Variants in RABEP1 observed in about 807,000 individuals in gnomAD.
The protein encoded by RABEP1 is rab GTPase-binding effector protein 1.
In RABEP1, 51 loss-of-function variants were observed where a neutral mutation model predicts 123.4. The observed-to-expected ratio is 0.41, with a 90% CI of 0.33 to 0.52. RABEP1 has a LOEUF of 0.52. RABEP1 is among the 20% of genes least tolerant of loss of function. The pLI is 0.16. For missense variants in RABEP1, 888 were observed against 996.3 expected (o/e 0.89, Z 1.46); for synonymous variants, 347 against 355.2 (o/e 0.98, Z 0.26).
intron 7 of RABEP1, among the ~76,000 whole-genome samples, chr17:5,353,156 C>A (rs1908713116): frequency 6.6e-6 from 1 of 152,190 alleles, no homozygotes; most frequent in South Asian, 2.1e-4. Context: ...ATTTTTCATC[C>A]ATATAACATT....
chr17:5,334,677 GATTAT>G (rs986083132), intron 3 of RABEP1, among the ~76,000 whole-genome samples: 1 of 152,148 alleles, frequency 6.6e-6, no homozygotes, highest in Non-Finnish European at 1.5e-5. Context: ...CACGTTTTAA[GATTAT>G]ATTAAAGAGA....
intron 5 of RABEP1, 71 bp downstream of exon 5, chr17:5,338,209 T>G (rs779803719): frequency 6.8e-7 from 1 of 1,478,206 alleles, no homozygotes; most frequent in African/African-American, 1.4e-5. Flanking sequence ...AAAATTAGAA[T>G]CAGTAATAGG....
At chr17:5,364,068 A>G (rs1035545300) in intron 10 of RABEP1, among the ~76,000 whole-genome samples, 1 of 152,220 alleles carries the variant, frequency 6.6e-6, no homozygotes, top group Non-Finnish European at 1.5e-5. Flanking sequence ...TGTCATTGCT[A>G]TTGAGTTCCT....
At chr17:5,285,307 T>C (rs2074967485) in intron 1 of RABEP1, among the ~76,000 whole-genome samples, 1 of 151,850 alleles carries the variant, frequency 6.6e-6, no homozygotes, top group African/African-American at 2.4e-5. Flanking sequence ...CTTTTTTTTT[T>C]TTTTCTTTTG....
At chr17:5,356,377 A>G (rs1239571772) in intron 8 of RABEP1, 1 of 154,012 alleles carries the variant, frequency 6.5e-6, no homozygotes, top group East Asian at 1.8e-4. Context: ...TTAATCTGAG[A>G]TGCTTTGGAG....
chr17:5,381,036 G>A (rs1002725857), intron 16 of RABEP1, among the ~76,000 whole-genome samples: 6 of 152,216 alleles, frequency 3.9e-5, no homozygotes, highest in Admixed American at 3.9e-4. Context: ...GCTTGACTGT[G>A]GAGGTTGTCA....
intron 5 of RABEP1, among the ~76,000 whole-genome samples, chr17:5,340,330 C>T (rs1356373311): frequency 1.3e-5 from 2 of 152,074 alleles, no homozygotes; most frequent in African/African-American, 4.8e-5. Flanking sequence ...ATAATAAGCC[C>T]ACCTTAATAG....
At chr17:5,362,874 T>G in intron 9 of RABEP1, 38 bp from the exon 10 acceptor site, 3 of 1,332,302 alleles carry the variant, frequency 2.3e-6, no homozygotes, top group Non-Finnish European at 3.2e-6. Flanking sequence ...GATGTAGAAT[T>G]GTTTTGCCTG....
At position 5,383,296 on chromosome 17, in the gene RABEP1, T is replaced by A; in HGVS notation, c.*73T>A. 1 of 1,145,514 alleles carries A rather than the reference T, an allele frequency of 8.7e-7. No homozygotes were observed. Among genetic ancestry groups the A allele is most frequent in the African/African-American group, 1.5e-5 (1 of 65,258 alleles). 71.0% of individuals were successfully genotyped at this position (1,145,514 alleles called of 1,614,324 possible). A position where few individuals can be genotyped will look rare whatever the true frequency, so the allele number is the denominator to read the frequency against. ...CTTTAGAGCAACAGTAATTATTATTTAACTCTTAACTGAAGAAAGAGAAGT... is the reference window on the plus strand; with the variant it reads ...CTTTAGAGCAACAGTAATTATTATTAAACTCTTAACTGAAGAAAGAGAAGT... On this transcript the variant is annotated 3_prime_UTR_variant, in exon 18 of 18. Coordinates refer to ENST00000537505, the MANE Select transcript of RABEP1 (RefSeq NM_004703.6).
chr17:5,350,148 A>T (rs1908400468), intron 6 of RABEP1, among the ~76,000 whole-genome samples: 1 of 152,156 alleles, frequency 6.6e-6, no homozygotes, highest in South Asian at 2.1e-4. Context: ...TGGGAGGCCG[A>T]GACGGGCGGA....
intron 6 of RABEP1, among the ~76,000 whole-genome samples, chr17:5,350,108 C>T (rs576943489): frequency 4.6e-5 from 7 of 152,134 alleles, no homozygotes; most frequent in Middle Eastern, 3.4e-3. Context: ...TGGCCGGGCG[C>T]GGTGGCTCAC....
Position 5,282,470 on chromosome 17 carries a change from A to T in RABEP1, c.-17A>T. Reference sequence around the variant, plus strand: ...CTTCCCCGCCCATCCCCGCTCCCCGAGGCCGGCCGCCTGGTCATGGCGCAG... The same window carrying T: ...CTTCCCCGCCCATCCCCGCTCCCCGTGGCCGGCCGCCTGGTCATGGCGCAG... On this transcript the variant is annotated 5_prime_UTR_variant, in exon 1 of 18. Transcript: ENST00000537505. 7.4e-7 allele frequency: 1 copy of T among 1,343,668 alleles called. No individual in the cohort carries two copies. Among genetic ancestry groups the T allele is most frequent in the Non-Finnish European group, 9.6e-7 (1 of 1,041,140 alleles). 83.2% of individuals were successfully genotyped at this position (1,343,668 alleles called of 1,614,324 possible).
chr17:5,317,891 A>G lies in RABEP1; in HGVS notation c.163+9069A>G, dbSNP rs2075313855. Among the ~76,000 whole-genome samples the G allele has an allele frequency of 2.6e-5, 4 of 152,186 alleles. No individual in the cohort carries two copies. In the South Asian group the frequency reaches 8.3e-4, roughly 31 times the overall value. On this transcript the variant is annotated intron_variant, in intron 2 of 17. Coordinates refer to ENST00000537505, the MANE Select transcript of RABEP1 (RefSeq NM_004703.6). ...CATTAGTGGCCATTTAATCATGTCC[A>G]TGTAATAAAGCCTCTAATAACTAAA...
At chr17:5,305,770 A>G (rs1032344276) in intron 1 of RABEP1, among the ~76,000 whole-genome samples, 3 of 152,222 alleles carry the variant, frequency 2.0e-5, no homozygotes, top group African/African-American at 7.2e-5. Context: ...CAGAATTAGC[A>G]CAGAGAACAG....
At chr17:5,366,230 C>A (rs1472444076) in intron 11 of RABEP1, among the ~76,000 whole-genome samples, 1 of 152,160 alleles carries the variant, frequency 6.6e-6, no homozygotes, top group African/African-American at 2.4e-5. Context: ...TCTCTAATGA[C>A]CACTGAAGTT....
intron 1 of RABEP1, among the ~76,000 whole-genome samples, chr17:5,289,418 CCTT>C (rs1272099482): frequency 7.4e-4 from 104 of 140,826 alleles, no homozygotes; most frequent in African/African-American, 2.4e-3. Context: ...GTAGATCTGA[CCTT>C]TTTTTTTTTT....
At chr17:5,310,071 A>G (rs773468873) in intron 2 of RABEP1, among the ~76,000 whole-genome samples, 1 of 152,240 alleles carries the variant, frequency 6.6e-6, no homozygotes, top group African/African-American at 2.4e-5. Context: ...TGCATTTCTA[A>G]TAAGCTCATA....
rs1911178518 is a variant in RABEP1 at position 5,378,395 on chromosome 17, T to TA, written c.2271+163_2271+164insA. ...CCACGGGGTAAGGGTGTGCTGGTGA[T>TA]TTATTGAGAGTGCCCTGTGTGTCAG... On this transcript the variant is annotated intron_variant, in intron 15 of 17. Transcript: ENST00000537505. 4.2e-6 allele frequency: 3 copies of TA among 712,210 alleles called. No individual in the cohort carries two copies. The African/African-American group carries it at 5.3e-5, about 13-fold the overall frequency. The allele number at this position is 712,210 out of a possible 1,614,324, so 44.1% of individuals were successfully genotyped here.
At chr17:5,293,829 ATGT>A (rs2075055440) in intron 1 of RABEP1, among the ~76,000 whole-genome samples, 1 of 152,134 alleles carries the variant, frequency 6.6e-6, no homozygotes. Flanking sequence ...CTCATAACTT[ATGT>A]TGTTAGTGTT....
Sources: allele counts gnomAD v4.1 joint callset (sites outside exome capture counted in the v4.1 genomes callset), GRCh38; gene constraint gnomAD v4.1.1; transcripts MANE v1.5; gene names NCBI Gene and HGNC (gene_info 2026-07-23, HGNC 2026-07-21).